Variants in DLG2 observed in about 807,000 individuals in gnomAD.
The protein encoded by DLG2 is discs large MAGUK scaffold protein 2.
DLG2 carries 45 observed loss-of-function variants against 132.5 expected under a neutral mutation model. The observed-to-expected ratio is 0.34, with a 90% CI of 0.27 to 0.44. The LOEUF (loss-of-function observed/expected upper bound fraction) is 0.44, where lower values mean the gene tolerates loss of function less well. DLG2 is among the 20% of genes least tolerant of loss of function. DLG2 has a pLI of 1.00. For missense variants in DLG2, 1,045 were observed against 1,196.9 expected (o/e 0.87, Z 1.87); for synonymous variants, 424 against 419.6 (o/e 1.01, Z -0.13).
chr11:85,028,426 A>G (rs1342643249), intron 6 of DLG2, among the ~76,000 whole-genome samples: 1 of 152,050 alleles, frequency 6.6e-6, no homozygotes, highest in African/African-American at 2.4e-5. Context: ...TTCACCGGGA[A>G]CCTACCCCTT....
intron 7 of DLG2, among the ~76,000 whole-genome samples, chr11:84,458,625 A>G (rs1316209789): frequency 6.6e-6 from 1 of 150,662 alleles, no homozygotes; most frequent in Non-Finnish European, 1.5e-5. Flanking sequence ...AAATATAATA[A>G]CTTTTTTTAT....
chr11:84,441,209 C>T (rs1054097148), intron 7 of DLG2, among the ~76,000 whole-genome samples: 18 of 151,756 alleles, frequency 1.2e-4, no homozygotes, highest in Non-Finnish European at 2.1e-4. Context: ...TGCAGTGTTA[C>T]GATCATAGCT....
At chr11:84,782,679 CTGTT>C (rs1250203192) in intron 6 of DLG2, among the ~76,000 whole-genome samples, 3 of 152,134 alleles carry the variant, frequency 2.0e-5, no homozygotes, top group Non-Finnish European at 2.9e-5. Context: ...AGGTTTCTCA[CTGTT>C]TGTGAAATAT....
chr11:85,126,130 C>T (rs1046652258), intron 5 of DLG2, among the ~76,000 whole-genome samples: 1 of 152,182 alleles, frequency 6.6e-6, no homozygotes, highest in Non-Finnish European at 1.5e-5. Context: ...CAAAGAACGG[C>T]GGGAAGCCAG....
chr11:84,585,342 T>C (rs550203333), intron 6 of DLG2, among the ~76,000 whole-genome samples: 1 of 152,334 alleles, frequency 6.6e-6, no homozygotes, highest in Admixed American at 6.5e-5. Context: ...ACTTACCTTC[T>C]GTTTCAAGGT....
intron 6 of DLG2, among the ~76,000 whole-genome samples, chr11:85,095,502 T>C (rs1232220567): frequency 1.3e-5 from 2 of 152,186 alleles, no homozygotes; most frequent in Non-Finnish European, 2.9e-5. Flanking sequence ...CTTAATTCAG[T>C]TGTTTTTTCA....
At chr11:83,749,712 T>C (rs990147389) in intron 18 of DLG2, among the ~76,000 whole-genome samples, 37 of 152,198 alleles carry the variant, frequency 2.4e-4, no homozygotes, top group Admixed American at 2.0e-3. Context: ...GGTTCACATC[T>C]AGCTATGCAC....
At chr11:84,195,084 C>G (rs530221302) in intron 8 of DLG2, among the ~76,000 whole-genome samples, 1 of 152,216 alleles carries the variant, frequency 6.6e-6, no homozygotes, top group East Asian at 1.9e-4. Flanking sequence ...AGAATGGATG[C>G]TGTGGCCTGA....
At chr11:83,894,771 T>C (rs1294057307) in intron 15 of DLG2, among the ~76,000 whole-genome samples, 1 of 152,214 alleles carries the variant, frequency 6.6e-6, no homozygotes, top group African/African-American at 2.4e-5. Context: ...ATACTTTTTT[T>C]ACCTTTAAAA....
intron 6 of DLG2, among the ~76,000 whole-genome samples, chr11:84,664,893 C>T (rs576237810): frequency 1.3e-5 from 2 of 152,182 alleles, no homozygotes; most frequent in East Asian, 1.9e-4. Context: ...ATTATACATT[C>T]CTGCCTCATT....
intron 8 of DLG2, among the ~76,000 whole-genome samples, chr11:84,227,725 C>T (rs2097023623): frequency 6.6e-6 from 1 of 151,968 alleles, no homozygotes; most frequent in African/African-American, 2.4e-5. Flanking sequence ...ACCACCCTGG[C>T]CGACATAATG....
In DLG2 at chr11:84,469,133, C is replaced by T. The variant is rs184474115; in HGVS notation, c.519+65437G>A. ...TGGTATAACTATTTCTAATATCAGT[C>T]TATCTTCAATGGACCTAAAATTGGA... On this transcript the variant is annotated intron_variant, in intron 7 of 27. Coordinates refer to ENST00000376104, the MANE Select transcript of DLG2 (RefSeq NM_001142699.3). Among the ~76,000 whole-genome samples the T allele has an allele frequency of 9.2e-5, 14 of 151,740 alleles. No individual in the cohort carries two copies. In the East Asian group the frequency reaches 1.8e-3, roughly 19 times the overall value.
At chr11:84,856,980 T>G (rs10501575) in intron 6 of DLG2, among the ~76,000 whole-genome samples, 14,109 of 151,800 alleles carry the variant, frequency 0.093, 910 homozygotes, top group South Asian at 0.13. Context: ...AAGAGATCAT[T>G]TCTATAGGAG....
intron 6 of DLG2, among the ~76,000 whole-genome samples, chr11:84,882,345 G>C (rs1188008806): frequency 6.6e-6 from 1 of 151,996 alleles, no homozygotes; most frequent in Non-Finnish European, 1.5e-5. Context: ...TGCCGTGTGA[G>C]GACATGTTTA....
At position 85,477,472 on chromosome 11, in the gene DLG2, A is replaced by C. The variant is rs537443050; in HGVS notation, c.40+121185T>G. Among the ~76,000 whole-genome samples the C allele has an allele frequency of 2.6e-5, 4 of 152,348 alleles. 1 individual carries two copies. The South Asian group carries it at 8.3e-4, about 32-fold the overall frequency. ...ACCATAGGTAATAACCATGTATTCT[A>C]CTACTACGGAAGATTACAGACATTA... is the stretch of plus-strand genomic sequence containing the variant. On this transcript the variant is annotated intron_variant, in intron 3 of 27. Transcript: ENST00000376104.
chr11:84,792,069 C>A (rs995711838), intron 6 of DLG2, among the ~76,000 whole-genome samples: 2 of 152,102 alleles, frequency 1.3e-5, no homozygotes, highest in Non-Finnish European at 2.9e-5. Flanking sequence ...AGCTTTGTGT[C>A]TGACATATAT....
At chr11:83,942,924 G>C (rs2082989326) in intron 14 of DLG2, among the ~76,000 whole-genome samples, 1 of 152,158 alleles carries the variant, frequency 6.6e-6, no homozygotes, top group Admixed American at 6.5e-5. Flanking sequence ...CCCATGTGTT[G>C]TGGGAGGGAC....
At chr11:84,324,399 T>G (rs2154398229) in intron 7 of DLG2, among the ~76,000 whole-genome samples, 1 of 152,250 alleles carries the variant, frequency 6.6e-6, no homozygotes, top group Admixed American at 6.5e-5. Flanking sequence ...CTATTCTGTT[T>G]CATTAATTTG....
intron 6 of DLG2, among the ~76,000 whole-genome samples, chr11:85,100,234 T>C (rs1399912956): frequency 1.3e-5 from 2 of 152,076 alleles, no homozygotes; most frequent in Non-Finnish European, 2.9e-5. Flanking sequence ...AACATAGATT[T>C]TAAATGCAAC....
Sources: gnomAD v4.1 joint callset for allele counts (sites outside exome capture counted in the v4.1 genomes callset) on GRCh38, gnomAD v4.1.1 for gene constraint, MANE v1.5 for transcripts, NCBI Gene and HGNC (gene_info 2026-07-23, HGNC 2026-07-21) for gene names.